Variants in PDXDC1 observed in about 807,000 individuals in gnomAD.
PDXDC1 encodes the protein pyridoxal dependent decarboxylase domain containing 1, also known as pyridoxal-dependent decarboxylase domain-containing protein 1.
PDXDC1 carries 42 observed loss-of-function variants against 100.1 expected under a neutral mutation model. The observed-to-expected ratio is 0.42, with a 90% confidence interval of 0.33 to 0.54. The LOEUF (loss-of-function observed/expected upper bound fraction) is 0.54, where lower values mean the gene tolerates loss of function less well. PDXDC1 is among the 20% of genes least tolerant of loss of function. The pLI is 0.10. For synonymous variants in PDXDC1, 260 were observed against 371.7 expected (o/e 0.70, Z 3.46); for missense variants, 636 against 979.2 (o/e 0.65, Z 4.68).
intron 16 of PDXDC1, chr16:15,130,697 C>T: frequency 6.7e-7 from 1 of 1,490,818 alleles, no homozygotes. Flanking sequence ...CTGGGCGGAT[C>T]CTCCTGCTAG....
chr16:15,128,476 C>T (rs548401443), intron 16 of PDXDC1: 30 of 769,728 alleles, frequency 3.9e-5, no homozygotes, highest in African/African-American at 1.0e-4. Flanking sequence ...CTTTGGCCTC[C>T]GCGCACTCAA....
At position 15,066,563 on chromosome 16, in the gene PDXDC1, G is replaced by A. The variant is rs2044983466; in HGVS notation, c.1399+36507G>A. 3.9e-5 allele frequency among the ~76,000 whole-genome samples: 6 copies of A among 152,036 alleles called. No individual in the cohort carries two copies. In the South Asian group the frequency reaches 1.2e-3, roughly 32 times the overall value. On this transcript the variant is annotated intron_variant, in intron 16 of 16. Coordinates refer to the PDXDC1 transcript ENST00000535621. ...CAGGAGAACTGCATGAGCCTCGGAGGTGGTGGTTGTAGTGAGCTAAGATCA... is the reference window on the plus strand; with the variant it reads ...CAGGAGAACTGCATGAGCCTCGGAGATGGTGGTTGTAGTGAGCTAAGATCA...
downstream of PDXDC1, among the ~76,000 whole-genome samples, chr16:15,039,469 TCTAA>T (rs1044158311): frequency 4.6e-5 from 7 of 152,238 alleles, no homozygotes; most frequent in Non-Finnish European, 7.3e-5. Context: ...TTTTCAGTTT[TCTAA>T]CTTTTAAAAT....
intron 6 of PDXDC1, 79 bp from the exon 7 acceptor site, chr16:15,008,700 C>G: frequency 7.4e-7 from 1 of 1,356,520 alleles, no homozygotes; most frequent in South Asian, 1.3e-5. Flanking sequence ...CGTGTCTTGT[C>G]TTAGAGCCAC....
At chr16:15,053,919 C>A (rs2044395701) in intron 16 of PDXDC1, among the ~76,000 whole-genome samples, 1 of 151,920 alleles carries the variant, frequency 6.6e-6, no homozygotes, top group Admixed American at 6.6e-5. Flanking sequence ...CTCAAAAAAA[C>A]CAACCAACCA....
downstream of PDXDC1, among the ~76,000 whole-genome samples, chr16:15,143,084 ACACCCC>A (rs1371817056): frequency 5.3e-5 from 8 of 152,220 alleles, 1 homozygote; most frequent in African/African-American, 1.7e-4. Flanking sequence ...TGGGAGAAGT[ACACCCC>A]CATGGGGGGC....
chr16:15,109,460 C>G (rs1202226636), intron 16 of PDXDC1, among the ~76,000 whole-genome samples: 22 of 147,350 alleles, frequency 1.5e-4, no homozygotes, highest in African/African-American at 5.4e-4. Flanking sequence ...AGTTCTAGAC[C>G]AGCTTGGCCA....
intron 1 of PDXDC1, among the ~76,000 whole-genome samples, chr16:14,980,083 G>A (rs190295941): frequency 1.7e-3 from 261 of 152,274 alleles, no homozygotes; most frequent in Non-Finnish European, 2.9e-3. Context: ...AAACTGATGG[G>A]ACTCGGCCAT....
At chr16:15,048,320 T>A (rs1276313009) in intron 16 of PDXDC1, among the ~76,000 whole-genome samples, 1 of 152,166 alleles carries the variant, frequency 6.6e-6, no homozygotes, top group African/African-American at 2.4e-5. Flanking sequence ...TTTTAACCTA[T>A]GAAATCGGAT....
chr16:15,122,698 C>T lies in PDXDC1; in HGVS notation c.1400-16181C>T, dbSNP rs1045723731. On this transcript the variant is annotated intron_variant, in intron 16 of 16. Transcript: ENST00000535621. ...GGAGCCAAAAGAGAAGCCAAAAGAGCAGCCACCGCACCCGCATGTCCTGGT... is the reference window on the plus strand; with the variant it reads ...GGAGCCAAAAGAGAAGCCAAAAGAGTAGCCACCGCACCCGCATGTCCTGGT... Among the ~76,000 whole-genome samples the T allele has an allele frequency of 2.0e-5, 3 of 150,518 alleles. No individual in the cohort carries two copies. In the Admixed American group the frequency reaches 2.0e-4, roughly 10 times the overall value.
At chr16:15,045,282 A>C (rs976825167) in intron 16 of PDXDC1, 2 of 151,828 alleles carry the variant, frequency 1.3e-5, no homozygotes, top group African/African-American at 4.9e-5. Context: ...TGGGCAATCG[A>C]GCAAGACTCC....
chr16:15,061,660 G>T, intron 16 of PDXDC1: 1 of 1,346,602 alleles, frequency 7.4e-7, no homozygotes, highest in Non-Finnish European at 1.0e-6. Flanking sequence ...TGCCATCAAT[G>T]CCCAATGGCA....
chr16:14,987,686 A>T (rs535815250), intron 1 of PDXDC1, among the ~76,000 whole-genome samples: 1 of 152,284 alleles, frequency 6.6e-6, no homozygotes, highest in South Asian at 2.1e-4. Context: ...ATCTCTGCTC[A>T]CTGCAGCCTC....
chr16:15,067,768 T>C (rs1364367996), intron 16 of PDXDC1, among the ~76,000 whole-genome samples: 2 of 152,038 alleles, frequency 1.3e-5, no homozygotes, highest in African/African-American at 4.8e-5. Flanking sequence ...TTGTTTTTGT[T>C]TGTTTAAGAG....
At chr16:15,035,654 C>G (rs2043382114) in intron 22 of PDXDC1, 101 bp downstream of exon 22, 2 of 651,994 alleles carry the variant, frequency 3.1e-6, no homozygotes, top group Non-Finnish European at 5.2e-6. Flanking sequence ...GTCTATTTCT[C>G]TTAAGACCAA....
intron 3 of PDXDC1, among the ~76,000 whole-genome samples, chr16:15,001,455 C>T (rs1368196188): frequency 1.3e-5 from 2 of 152,272 alleles, no homozygotes; most frequent in Non-Finnish European, 2.9e-5. Flanking sequence ...TGCCACTTCC[C>T]TCCAGCTTGG....
the PDXDC1 span, among the ~76,000 whole-genome samples, chr16:15,145,621 C>A: frequency 6.6e-6 from 1 of 152,264 alleles, no homozygotes; most frequent in Non-Finnish European, 1.5e-5. Context: ...CCGCCTCAGC[C>A]CCAGATGTAG....
intron 16 of PDXDC1, among the ~76,000 whole-genome samples, chr16:15,093,560 T>C (rs1031673368): frequency 6.6e-6 from 1 of 152,130 alleles, no homozygotes; most frequent in Admixed American, 6.6e-5. Context: ...GCTCGATAAT[T>C]ATTATGAATC....
chr16:15,133,340 A>G, intron 16 of PDXDC1: 9 of 1,231,978 alleles, frequency 7.3e-6, no homozygotes, highest in Non-Finnish European at 1.0e-5. Flanking sequence ...CAGCCCCGGG[A>G]GCACACTAGC....
Sources: gnomAD v4.1 joint callset for allele counts (sites outside exome capture counted in the v4.1 genomes callset) on GRCh38, gnomAD v4.1.1 for gene constraint, MANE v1.5 for transcripts, NCBI Gene and HGNC (gene_info 2026-07-23, HGNC 2026-07-21) for gene names.